The following SAG variants were observed in gnomAD, a reference collection of about 807,000 sequenced individuals.
SAG encodes S-antigen visual arrestin.
SAG carries 45 observed loss-of-function variants against 55.0 expected under a neutral mutation model. The ratio of observed to expected loss-of-function variants is 0.82; its 90% CI spans 0.64 to 1.05. The LOEUF is 1.05. SAG is among the 50% of genes least tolerant of loss of function. The pLI is 0.00. For missense variants in SAG, 455 were observed against 512.1 expected, an observed-to-expected ratio of 0.89 and a Z score of 1.08; for synonymous variants, 189 against 197.4, an observed-to-expected ratio of 0.96 and a Z score of 0.36.
intron 9 of SAG, among the ~76,000 whole-genome samples, chr2:233,329,982 G>A (rs1218547533): frequency 6.6e-6 from 1 of 152,204 alleles, no homozygotes; most frequent in Non-Finnish European, 1.5e-5. Flanking sequence ...CCCAGGCTTT[G>A]TGTGGCTTGA....
intron 15 of SAG, 128 bp from the exon 16 acceptor site, chr2:233,346,679 C>A: frequency 3.9e-6 from 3 of 766,196 alleles, no homozygotes; most frequent in South Asian, 1.5e-5. Context: ...AGGAAAATGG[C>A]GTGCCCCCAT....
At chr2:233,338,163 C>T (rs184266548) in intron 11 of SAG, among the ~76,000 whole-genome samples, 34 of 152,070 alleles carry the variant, frequency 2.2e-4, no homozygotes, top group Non-Finnish European at 4.0e-4. Flanking sequence ...GCAAGACTGG[C>T]GCGGGGGGCG....
chr2:233,338,486 A>G (rs544765366), intron 11 of SAG, 190 bp from the exon 12 acceptor site: 1 of 603,010 alleles, frequency 1.7e-6, no homozygotes, highest in East Asian at 2.8e-5. Context: ...GAATTCCTCC[A>G]GTGCGTGCAA....
chr2:233,345,039 A>G (rs980168985), intron 14 of SAG: 1 of 152,144 alleles, frequency 6.6e-6, no homozygotes, highest in African/African-American at 2.4e-5. Context: ...CCCTGTACGT[A>G]GCGACCCTCA....
rs1700211603 is a variant in SAG at position 233,316,105 on chromosome 2, A to G, written c.106A>G (p.Ile36Val). The change falls in exon 3 of 16, where the codon ATA (isoleucine) becomes GTA (valine). Residue 36 changes from isoleucine (I) to valine (V), a missense_variant. Ile to Val is a conservative substitution (Grantham distance 29). Coordinates refer to ENST00000409110, the MANE Select transcript of SAG (RefSeq NM_000541.5). ...CATCTACCTGGGGAACAGAGACTACATAGACCATGTCAGCCAAGTCCAGCC... is the reference window on the plus strand; with the variant it reads ...CATCTACCTGGGGAACAGAGACTACGTAGACCATGTCAGCCAAGTCCAGCC... ...VTIYLGNRDY[I>V]DHVSQVQPVD... 1.3e-6 allele frequency: 2 copies of G among 1,599,920 alleles called. No individual in the cohort carries two copies. Among genetic ancestry groups the G allele is most frequent in the Non-Finnish European group, 1.7e-6 (2 of 1,171,700 alleles).
rs1224850686 is a variant in SAG at position 233,340,591 on chromosome 2, A to C, written c.1046+113A>C. The C allele has an allele frequency of 2.4e-6, 2 of 819,350 alleles. No homozygotes were observed. Among genetic ancestry groups the C allele is most frequent in the Admixed American group, 2.1e-5 (1 of 47,820 alleles). 50.8% of individuals were successfully genotyped at this position (819,350 alleles called of 1,614,324 possible). A position where few individuals can be genotyped will look rare whatever the true frequency, so the allele number is the denominator to read the frequency against. ...CTGCTTTCTGGACAGTTGTGCTCAGAGGTGTTAGGAATGATGCTTTGCCTT... is the reference window on the plus strand; with the variant it reads ...CTGCTTTCTGGACAGTTGTGCTCAGCGGTGTTAGGAATGATGCTTTGCCTT... On this transcript the variant is annotated intron_variant, in intron 13 of 15. Transcript: ENST00000409110. This position sits in a 1 kb window ranked among gnomAD's most constrained non-coding sequence, Gnocchi z 4.2.
intron 1 of SAG, among the ~76,000 whole-genome samples, chr2:233,308,851 A>G (rs1220926653): frequency 2.6e-5 from 4 of 152,234 alleles, no homozygotes; most frequent in Non-Finnish European, 5.9e-5. Context: ...GCTAAGTGTG[A>G]TAACACCAAA....
In SAG at chr2:233,323,141, C is replaced by T. The variant is rs532179169; in HGVS notation, c.435+136C>T. On this transcript the variant is annotated intron_variant, in intron 6 of 15. Transcript: ENST00000409110. ...TGGCGTGATCTTGGCTCACTGCAAC[C>T]TGTGGTTTCTGGGCTCAAGTGATTC... 21 of 667,550 alleles carry T rather than the reference C, an allele frequency of 3.1e-5. No individual in the cohort carries two copies. The African/African-American group carries it at 3.5e-4, about 11-fold the overall frequency. 41.4% of individuals were successfully genotyped at this position (667,550 alleles called of 1,614,324 possible). A position where few individuals can be genotyped will look rare whatever the true frequency, so the allele number is the denominator to read the frequency against.
intron 3 of SAG, among the ~76,000 whole-genome samples, chr2:233,318,536 AAAAAT>A (rs777705707): frequency 2.3e-4 from 33 of 145,658 alleles, no homozygotes; most frequent in Non-Finnish European, 3.8e-4. Flanking sequence ...CCTGACCTGG[AAAAAT>A]AAAATAAAAA....
intron 4 of SAG, among the ~76,000 whole-genome samples, chr2:233,320,264 C>A (rs1700338064): frequency 6.6e-6 from 1 of 152,350 alleles, no homozygotes; most frequent in South Asian, 2.1e-4. Flanking sequence ...GTCCAGACAT[C>A]CTGCCCTCTA....
chr2:233,327,352 T>C (rs2125335418), intron 7 of SAG, 155 bp downstream of exon 7: 1 of 536,688 alleles, frequency 1.9e-6, no homozygotes, highest in South Asian at 3.0e-5. Flanking sequence ...AGGTTGATCA[T>C]TTTTGGGGAA....
chr2:233,309,229 C>G lies in SAG; in HGVS notation c.40C>G (p.His14Asp). The part of the protein sequence containing the change: ...SGKTSKSEPN[H>D]VIFKKISRDK... ...GAAGACCAGCAAGTCCGAACCGAAC[C>G]ATGTTATCTTCAAGAAGATCTCCCG... Residue 14 changes from histidine (H) to aspartate (D), a missense_variant, in exon 2 of 16, where the codon CAT becomes GAT. Physicochemically the swap from His to Asp is moderately conservative, Grantham distance 81. Transcript: ENST00000409110. 3 of 1,613,816 alleles carry G rather than the reference C, an allele frequency of 1.9e-6. No individual in the cohort carries two copies. The highest frequency in any genetic ancestry group is 2.5e-6 in the Non-Finnish European group (3 of 1,179,790).
At chr2:233,328,676 T>G in intron 8 of SAG, 63 bp downstream of exon 8, 4 of 1,514,252 alleles carry the variant, frequency 2.6e-6, no homozygotes, top group East Asian at 2.3e-5. Flanking sequence ...CCCACACCCC[T>G]CTCTTCACCA....
chr2:233,327,035 G>A (rs1700580115), intron 6 of SAG, 86 bp from the exon 7 acceptor site: 3 of 953,672 alleles, frequency 3.1e-6, no homozygotes, highest in Non-Finnish European at 5.1e-6. Context: ...GCCACATCAT[G>A]TGCCCTGTGT....
chr2:233,318,114 C>A (rs1387942807), intron 3 of SAG, among the ~76,000 whole-genome samples: 2 of 152,090 alleles, frequency 1.3e-5, no homozygotes, highest in Non-Finnish European at 2.9e-5. Context: ...GCTGGGACCA[C>A]AGGCATGCAC....
chr2:233,330,781 C>T (rs139265476), intron 9 of SAG, among the ~76,000 whole-genome samples: 2,280 of 152,262 alleles, frequency 0.015, 67 homozygotes, highest in African/African-American at 0.051. Flanking sequence ...ATCCATCCGC[C>T]TCAGCCTCCC....
intron 7 of SAG, 106 bp from the exon 8 acceptor site, chr2:233,328,372 G>A: frequency 1.5e-6 from 2 of 1,370,326 alleles, no homozygotes; most frequent in Non-Finnish European, 2.0e-6. Flanking sequence ...TGTCTCCATG[G>A]GGAGCATTCC....
rs1453575094 is a variant in SAG at position 233,320,772 on chromosome 2, A to G, written c.324A>G (p.Gln108=). The G allele has an allele frequency of 6.2e-7, 1 of 1,606,562 alleles. No homozygotes were observed. The highest frequency in any genetic ancestry group is 8.5e-7 in the Non-Finnish European group (1 of 1,176,652). Residue 108 remains glutamine (Q), a synonymous_variant, in exon 5 of 16, where the codon CAA becomes CAG. Coordinates refer to ENST00000409110, the MANE Select transcript of SAG (RefSeq NM_000541.5). The part of the protein sequence containing the change: ...VGAASTPTKL[Q]ESLLKKLGSN... The stretch of plus-strand genomic sequence containing the variant: ...CCGCGAGCACCCCCACAAAACTGCA[A>G]GAGAGCCTGCTTAAAAAGCTGGGGA...
chr2:233,335,768 G>A (rs1166873980), intron 11 of SAG, among the ~76,000 whole-genome samples: 2 of 152,208 alleles, frequency 1.3e-5, no homozygotes, highest in African/African-American at 2.4e-5. Context: ...CCAAGTCAGC[G>A]TCCACTGTCC....
Sources: gnomAD v4.1 joint callset for allele counts (sites outside exome capture counted in the v4.1 genomes callset) on GRCh38, gnomAD v4.1.1 for gene constraint, Gnocchi (gnomAD v3.1) non-coding constraint, MANE v1.5 for transcripts, NCBI Gene and HGNC (gene_info 2026-07-23, HGNC 2026-07-21) for gene names.